Variants in ATP2B2 observed in about 807,000 individuals in gnomAD.
The protein encoded by ATP2B2 is plasma membrane calcium-transporting ATPase 2.
A neutral mutation model predicts 120.0 loss-of-function variants in ATP2B2; 15 were observed. The observed-to-expected ratio is 0.12, with a 90% CI of 0.08 to 0.19. ATP2B2 has a LOEUF of 0.19. ATP2B2 is among the 10% of genes least tolerant of loss of function. The pLI is 1.00. For synonymous variants in ATP2B2, 694 were observed against 700.3 expected (o/e 0.99, Z 0.14); for missense variants, 1,045 against 1,719.8 (o/e 0.61, Z 6.94).
chr3:10,425,639 T>G (rs1434167939), intron 2 of ATP2B2, among the ~76,000 whole-genome samples: 3 of 152,136 alleles, frequency 2.0e-5, no homozygotes, highest in Non-Finnish European at 4.4e-5. Context: ...CTTCTTTTCC[T>G]CCATGTACTG....
Position 10,371,866 on chromosome 3 carries a change from G to A in ATP2B2, c.1602C>T (p.Thr534=), listed in dbSNP as rs1276921126. ...CGATGGCATTGATCAGCAGCTCCAT[G>A]GTCTTGGTGTTGATGGAGCTGGGGT... The part of the protein sequence containing the change: ...IPDPSSINTK[T]MELLINAIAI... Residue 534 remains threonine (T), a synonymous_variant, in exon 12 of 23, where the codon ACC becomes ACT. Transcript: ENST00000360273. The A allele has an allele frequency of 1.2e-6, 2 of 1,614,140 alleles. No homozygotes were observed. The highest frequency in any genetic ancestry group is 8.5e-7 in the Non-Finnish European group (1 of 1,180,022).
chr3:10,606,912 CAGAGAGAG>C (rs1185602877), intron 2 of ATP2B2, among the ~76,000 whole-genome samples: 3,457 of 61,936 alleles, frequency 0.056, 57 homozygotes, highest in South Asian at 0.12. Context: ...CACACACACA[CAGAGAGAG>C]AGAGAGAGAG....
At chr3:10,446,121 A>C (rs2063828837) in intron 2 of ATP2B2, among the ~76,000 whole-genome samples, 2 of 152,158 alleles carry the variant, frequency 1.3e-5, no homozygotes, top group South Asian at 4.1e-4. Flanking sequence ...CCCCCTCCAT[A>C]AAATGGGGTA....
chr3:10,338,094 G>T (rs987145590), intron 22 of ATP2B2, 82 bp downstream of exon 22: 29 of 1,580,706 alleles, frequency 1.8e-5, no homozygotes, highest in Middle Eastern at 3.5e-4. Context: ...CTGGGCCCTG[G>T]GGGGCAGCAC....
chr3:10,696,534 C>T (rs2071744611), intron 1 of ATP2B2, among the ~76,000 whole-genome samples: 1 of 152,210 alleles, frequency 6.6e-6, no homozygotes, highest in Non-Finnish European at 1.5e-5. Context: ...AGGGTTTCCG[C>T]AGCTGCCTGG....
Position 10,340,172 on chromosome 3 carries a change from G to A in ATP2B2, c.3237+70C>T, listed in dbSNP as rs1049619332. 4.1e-6 allele frequency: 6 copies of A among 1,476,098 alleles called. No individual in the cohort carries two copies. In the African/African-American group the frequency reaches 8.3e-5, roughly 20 times the overall value. The allele number at this position is 1,476,098 out of a possible 1,614,324, so 91.4% of individuals were successfully genotyped here. A position where few individuals can be genotyped will look rare whatever the true frequency, so the allele number is the denominator to read the frequency against. On this transcript the variant is annotated intron_variant, in intron 21 of 22. Transcript: ENST00000360273. This position sits in a 1 kb window ranked among gnomAD's most constrained non-coding sequence, Gnocchi z 5.0. Reference sequence around the variant, plus strand: ...CTGGCAGCCCATTCCTGGGGGTCCTGGATTCTCCATCCAGTGCTGTCTCCC... The same window carrying A: ...CTGGCAGCCCATTCCTGGGGGTCCTAGATTCTCCATCCAGTGCTGTCTCCC...
At chr3:10,361,249 C>A (rs544730849) in intron 12 of ATP2B2, among the ~76,000 whole-genome samples, 2 of 152,276 alleles carry the variant, frequency 1.3e-5, no homozygotes, top group South Asian at 4.2e-4. Flanking sequence ...GACTCCTGAC[C>A]TCAAGTAATC....
chr3:10,333,708 G>A (rs1448184220), intron 22 of ATP2B2, among the ~76,000 whole-genome samples: 1 of 152,190 alleles, frequency 6.6e-6, no homozygotes, highest in East Asian at 1.9e-4. Context: ...GTCACAGAGG[G>A]GGAATGCGAG....
At chr3:10,411,625 G>A (rs1421127638) in intron 2 of ATP2B2, among the ~76,000 whole-genome samples, 1 of 152,212 alleles carries the variant, frequency 6.6e-6, no homozygotes, top group Non-Finnish European at 1.5e-5. Flanking sequence ...CCCATGGGTG[G>A]TTGTGAATAT....
At chr3:10,382,187 A>G (rs1443322228) in intron 8 of ATP2B2, among the ~76,000 whole-genome samples, 3 of 140,200 alleles carry the variant, frequency 2.1e-5, no homozygotes, top group South Asian at 4.8e-4. Flanking sequence ...CACTATACCC[A>G]GCTAATTAAA....
At chr3:10,541,094 CTG>C (rs374240582) in intron 2 of ATP2B2, among the ~76,000 whole-genome samples, 15 of 152,128 alleles carry the variant, frequency 9.9e-5, no homozygotes, top group Non-Finnish European at 1.5e-4. Context: ...TCTGTGGGGT[CTG>C]TAGCGTTATT....
chr3:10,673,291 G>A (rs1439531247), intron 1 of ATP2B2, among the ~76,000 whole-genome samples: 1 of 152,154 alleles, frequency 6.6e-6, no homozygotes, highest in Non-Finnish European at 1.5e-5. Context: ...CCAGCTCCCA[G>A]GACATCGCTG....
intron 1 of ATP2B2, among the ~76,000 whole-genome samples, chr3:10,694,505 G>A (rs1258376296): frequency 6.6e-6 from 1 of 152,212 alleles, no homozygotes; most frequent in African/African-American, 2.4e-5. Flanking sequence ...TCTTATTGCT[G>A]AGTACTGTTC....
At chr3:10,380,773 T>G (rs188858193) in intron 8 of ATP2B2, among the ~76,000 whole-genome samples, 1 of 152,362 alleles carries the variant, frequency 6.6e-6, no homozygotes, top group Non-Finnish European at 1.5e-5. Flanking sequence ...GCTGGCTTTC[T>G]ATCTCCCAAT....
At chr3:10,392,648 C>T (rs1208484608) in intron 5 of ATP2B2, among the ~76,000 whole-genome samples, 1 of 152,196 alleles carries the variant, frequency 6.6e-6, no homozygotes, top group Non-Finnish European at 1.5e-5. Flanking sequence ...CACTCTGTAG[C>T]CCCCACCTCC....
In ATP2B2 at chr3:10,635,471, G is replaced by T. The variant is rs115299673; in HGVS notation, c.-459-15510C>A. Among the ~76,000 whole-genome samples the T allele has an allele frequency of 2.2e-3, 339 of 152,212 alleles. 1 individual carries two copies. Among genetic ancestry groups the T allele is most frequent in the African/African-American group, 7.9e-3 (329 of 41,544 alleles). The stretch of plus-strand genomic sequence containing the variant: ...CCAGCTCTTAGGTGCCTACAGCGGT[G>T]AAATTTCTCCATCCTGCTTACGTGC... On this transcript the variant is annotated intron_variant, in intron 1 of 21. Transcript: ENST00000646379. The surrounding 1 kb of genome is among the most constrained non-coding windows in gnomAD (Gnocchi z 4.3).
At chr3:10,516,092 C>T (rs1021221913) in intron 3 of ATP2B2, among the ~76,000 whole-genome samples, 3 of 152,218 alleles carry the variant, frequency 2.0e-5, no homozygotes, top group East Asian at 3.9e-4. Flanking sequence ...GCAGGACATC[C>T]ACCTCCCTGA....
At chr3:10,678,422 A>T (rs553645155) in intron 1 of ATP2B2, among the ~76,000 whole-genome samples, 2 of 152,312 alleles carry the variant, frequency 1.3e-5, no homozygotes, top group Non-Finnish European at 2.9e-5. Context: ...AAAGGAAAAG[A>T]CAGGCAAGCT....
At position 10,606,899 on chromosome 3, in the gene ATP2B2, A is replaced by ACACACG. The variant is rs1559483005; in HGVS notation, c.-415+13017_-415+13018insCGTGTG. Among the ~76,000 whole-genome samples the ACACACG allele has an allele frequency of 4.9e-4, 15 of 30,798 alleles. No individual in the cohort carries two copies. The South Asian group carries it at 0.014, about 29-fold the overall frequency. 20.2% of individuals were successfully genotyped at this position (30,798 alleles called of 152,430 possible). On this transcript the variant is annotated intron_variant, in intron 2 of 21. Coordinates refer to the ATP2B2 transcript ENST00000646379. ...AGTCTAAACACACACACACACACAC[A>ACACACG]CACACACACACACAGAGAGAGAGAG...
Sources: gnomAD v4.1 joint callset for allele counts (sites outside exome capture counted in the v4.1 genomes callset) on GRCh38, gnomAD v4.1.1 for gene constraint, Gnocchi (gnomAD v3.1) non-coding constraint, MANE v1.5 for transcripts, NCBI Gene and HGNC (gene_info 2026-07-23, HGNC 2026-07-21) for gene names.